TMEM132D: variants seen among roughly 807,000 people sequenced by gnomAD.
TMEM132D encodes mature OL transmembrane protein.
Under a neutral mutation model 62.3 loss-of-function variants are expected in TMEM132D, and 21 were observed. The observed-to-expected ratio is 0.34, with a 90% confidence interval of 0.24 to 0.49. TMEM132D has a LOEUF of 0.49. Among genes scored for constraint, TMEM132D ranks in the 20% least tolerant of loss-of-function variants. TMEM132D has a pLI of 0.99. For synonymous variants in TMEM132D, 621 were observed against 575.6 expected (o/e 1.08, Z -1.13); for missense variants, 1,346 against 1,402.8 (o/e 0.96, Z 0.65).
At position 129,531,037 on chromosome 12, in the gene TMEM132D, T is replaced by C; in HGVS notation, c.1115+22A>G. ...CACATTTGCAGCTGATCTGAATATATCGGAGGCCAGTTGGGACTCACCTGT... is the reference window on the plus strand; with the variant it reads ...CACATTTGCAGCTGATCTGAATATACCGGAGGCCAGTTGGGACTCACCTGT... On this transcript the variant is annotated intron_variant, in intron 3 of 8. Coordinates refer to ENST00000422113, the MANE Select transcript of TMEM132D (RefSeq NM_133448.3). 3 of 1,591,848 alleles carry C rather than the reference T, an allele frequency of 1.9e-6. No individual in the cohort carries two copies. The highest frequency in any genetic ancestry group is 2.6e-6 in the Non-Finnish European group (3 of 1,167,952).
intron 2 of TMEM132D, among the ~76,000 whole-genome samples, chr12:129,665,199 G>C (rs975788605): frequency 2.0e-5 from 3 of 151,320 alleles, no homozygotes; most frequent in African/African-American, 4.9e-5. Flanking sequence ...GGAGCAGGTG[G>C]GGGGGGCATC....
intron 5 of TMEM132D, among the ~76,000 whole-genome samples, chr12:129,130,319 G>T (rs1049050789): frequency 2.8e-5 from 2 of 72,398 alleles, no homozygotes; most frequent in African/African-American, 1.0e-4. Flanking sequence ...TCCCAGCTCA[G>T]GGAGGCTCTG....
intron 4 of TMEM132D, among the ~76,000 whole-genome samples, chr12:129,242,895 A>ATTAATC (rs1555240707): frequency 6.6e-6 from 1 of 152,256 alleles, no homozygotes; most frequent in African/African-American, 2.4e-5. Flanking sequence ...TGAATAAAAC[A>ATTAATC]ACAGGCTTGA....
chr12:129,337,178 A>C (rs1247985262), intron 4 of TMEM132D, among the ~76,000 whole-genome samples: 3 of 152,030 alleles, frequency 2.0e-5, no homozygotes, highest in African/African-American at 7.2e-5. Context: ...AATATTTTCT[A>C]ATTGGTGGTC....
At chr12:129,656,181 C>T (rs919877551) in intron 2 of TMEM132D, among the ~76,000 whole-genome samples, 1 of 149,602 alleles carries the variant, frequency 6.7e-6, no homozygotes, top group African/African-American at 2.5e-5. Context: ...GGTGTAGTTG[C>T]TAAGAATAAA....
chr12:129,401,659 T>G (rs1219515658), intron 3 of TMEM132D, among the ~76,000 whole-genome samples: 1 of 152,098 alleles, frequency 6.6e-6, no homozygotes, highest in Non-Finnish European at 1.5e-5. Context: ...GGTTGGCTAT[T>G]CTCCACTTTG....
At chr12:129,319,147 A>G (rs1033496099) in intron 4 of TMEM132D, among the ~76,000 whole-genome samples, 4 of 152,126 alleles carry the variant, frequency 2.6e-5, no homozygotes, top group Non-Finnish European at 5.9e-5. Flanking sequence ...AAATTGTTAC[A>G]AAGTTCAGCT....
intron 5 of TMEM132D, among the ~76,000 whole-genome samples, chr12:129,150,816 G>A (rs939745900): frequency 5.3e-5 from 8 of 152,260 alleles, no homozygotes; most frequent in Admixed American, 5.2e-4. Flanking sequence ...CCCCGTGACA[G>A]GGTCAGCTGT....
At chr12:129,611,613 A>C (rs984917558) in intron 2 of TMEM132D, among the ~76,000 whole-genome samples, 1 of 152,194 alleles carries the variant, frequency 6.6e-6, no homozygotes, top group Non-Finnish European at 1.5e-5. Flanking sequence ...TTAAGGATCC[A>C]GGCTCCCTCT....
At chr12:129,359,267 G>A (rs1333905779) in intron 3 of TMEM132D, among the ~76,000 whole-genome samples, 1 of 152,024 alleles carries the variant, frequency 6.6e-6, no homozygotes, top group Non-Finnish European at 1.5e-5. Context: ...CTGGGCCGGG[G>A]GACAATAGAG....
intron 2 of TMEM132D, among the ~76,000 whole-genome samples, chr12:129,591,706 G>A (rs79216140): frequency 0.017 from 2,557 of 151,946 alleles, 61 homozygotes; most frequent in South Asian, 0.069. Context: ...CTGACCTCAC[G>A]AAGCTTTTTT....
chr12:129,598,068 A>C (rs548880635), intron 2 of TMEM132D, among the ~76,000 whole-genome samples: 37 of 152,308 alleles, frequency 2.4e-4, no homozygotes, highest in East Asian at 5.8e-4. Flanking sequence ...ACAACAACAA[A>C]AAACTACAAA....
chr12:129,311,028 C>T (rs1881961028), intron 4 of TMEM132D, among the ~76,000 whole-genome samples: 1 of 96,312 alleles, frequency 1.0e-5, no homozygotes, highest in Non-Finnish European at 1.9e-5. Context: ...GAAACCCCGT[C>T]TCTACTAAAA....
At chr12:129,664,234 G>T (rs966128699) in intron 2 of TMEM132D, among the ~76,000 whole-genome samples, 1 of 152,116 alleles carries the variant, frequency 6.6e-6, no homozygotes, top group African/African-American at 2.4e-5. Flanking sequence ...GGCAGCCCAA[G>T]CCTACAGCTC....
chr12:129,875,144 A>G (rs1348948640), intron 1 of TMEM132D, among the ~76,000 whole-genome samples: 1 of 152,270 alleles, frequency 6.6e-6, no homozygotes. Context: ...ACAATTGAGC[A>G]GTAGTGACAG....
intron 1 of TMEM132D, among the ~76,000 whole-genome samples, chr12:129,818,705 C>G (rs546254820): frequency 6.6e-6 from 1 of 151,630 alleles, no homozygotes; most frequent in East Asian, 1.9e-4. Flanking sequence ...GGTGTATGCA[C>G]CTGCACACAC....
intron 3 of TMEM132D, among the ~76,000 whole-genome samples, chr12:129,386,079 A>C (rs112141557): frequency 0.029 from 4,391 of 152,278 alleles, 218 homozygotes; most frequent in African/African-American, 0.1. Context: ...CACAGTGGTA[A>C]TGGCCTGAGT....
chr12:129,320,573 G>T (rs368661120), intron 4 of TMEM132D, among the ~76,000 whole-genome samples: 14 of 152,178 alleles, frequency 9.2e-5, no homozygotes, highest in African/African-American at 3.1e-4. Flanking sequence ...GCTAGGTTTT[G>T]TTTGCCATGT....
At chr12:129,747,418 TCACACA>T (rs746401132) in intron 1 of TMEM132D, among the ~76,000 whole-genome samples, 15 of 146,882 alleles carry the variant, frequency 1.0e-4, no homozygotes, top group Non-Finnish European at 2.1e-4. Context: ...ACACACATTC[TCACACA>T]CACAGACACA....
Sources: gnomAD v4.1 joint callset for allele counts (sites outside exome capture counted in the v4.1 genomes callset) on GRCh38, gnomAD v4.1.1 for gene constraint, MANE v1.5 for transcripts, NCBI Gene and HGNC (gene_info 2026-07-23, HGNC 2026-07-21) for gene names.